Variants in RIPOR2 observed in about 807,000 individuals in gnomAD.
The protein encoded by RIPOR2 is RHO family interacting cell polarization regulator 2.
RIPOR2 carries 39 observed loss-of-function variants against 114.5 expected under a neutral mutation model. That is an observed-to-expected ratio of 0.34 (90% confidence interval 0.26 to 0.44). RIPOR2 has a LOEUF of 0.44. Ranked by LOEUF, RIPOR2 falls within the 20% of genes least tolerant of loss-of-function variation. The probability of loss-of-function intolerance (pLI) is 1.00; values close to 1 mark genes in which losing one functional copy is unlikely to be tolerated. For synonymous variants in RIPOR2, 445 were observed against 484.4 expected (o/e 0.92, Z 1.07); for missense variants, 1,007 against 1,255.1 (o/e 0.80, Z 2.99).
At chr6:24,900,204 G>A (rs1184920357) in intron 1 of RIPOR2, among the ~76,000 whole-genome samples, 3 of 152,216 alleles carry the variant, frequency 2.0e-5, no homozygotes, top group African/African-American at 7.2e-5. Flanking sequence ...TCTGAATTTG[G>A]AGTCTGTGTA....
chr6:24,930,755 T>C (rs1168511939), intron 1 of RIPOR2, among the ~76,000 whole-genome samples: 1 of 152,106 alleles, frequency 6.6e-6, no homozygotes, highest in Non-Finnish European at 1.5e-5. Flanking sequence ...GGGGTGGAAA[T>C]TGATCCAAGC....
intron 1 of RIPOR2, among the ~76,000 whole-genome samples, chr6:24,882,210 C>T (rs1766413893): frequency 6.6e-6 from 1 of 152,204 alleles, no homozygotes; most frequent in Non-Finnish European, 1.5e-5. Flanking sequence ...TATGAACTGG[C>T]ATTCTGGCTC....
chr6:24,830,830 C>G (rs1485361707), intron 16 of RIPOR2, among the ~76,000 whole-genome samples, 160 bp from the exon 17 acceptor site: 1 of 152,068 alleles, frequency 6.6e-6, no homozygotes, highest in African/African-American at 2.4e-5. Context: ...ATTCTCTTGC[C>G]TGAGCTTCCC....
At chr6:24,819,304 G>A (rs769152458) in intron 19 of RIPOR2, among the ~76,000 whole-genome samples, 14 of 152,054 alleles carry the variant, frequency 9.2e-5, no homozygotes, top group Non-Finnish European at 1.6e-4. Context: ...GCCAGGGTAA[G>A]TTTCACAAAA....
At chr6:25,019,579 C>T (rs1427169334) in intron 1 of RIPOR2, among the ~76,000 whole-genome samples, 2 of 145,956 alleles carry the variant, frequency 1.4e-5, no homozygotes, top group East Asian at 2.6e-4. Context: ...ACCATCCTGG[C>T]TAACACGGTA....
At chr6:25,026,573 C>G (rs1776637332) in intron 1 of RIPOR2, among the ~76,000 whole-genome samples, 1 of 152,194 alleles carries the variant, frequency 6.6e-6, no homozygotes, top group Non-Finnish European at 1.5e-5. Flanking sequence ...CTTTGTTACC[C>G]TGAGCAGCTG....
intron 1 of RIPOR2, among the ~76,000 whole-genome samples, chr6:25,030,716 G>C (rs1776882643): frequency 6.6e-6 from 1 of 152,052 alleles, no homozygotes; most frequent in African/African-American, 2.4e-5. Flanking sequence ...TGTTTTCTTT[G>C]AGACGGAGTT....
intron 16 of RIPOR2, among the ~76,000 whole-genome samples, chr6:24,831,361 A>C (rs1752616965): frequency 6.6e-6 from 1 of 152,178 alleles, no homozygotes; most frequent in Non-Finnish European, 1.5e-5. Context: ...AGTTTCCTGA[A>C]GGGGATGGGA....
chr6:24,983,756 C>CAAAA (rs34480037), intron 1 of RIPOR2, among the ~76,000 whole-genome samples: 16,259 of 47,432 alleles, frequency 0.34, 3,974 homozygotes, highest in Non-Finnish European at 0.41. Context: ...GACTGTGTCT[C>CAAAA]AAAAAAAAAA....
At position 24,872,284 on chromosome 6, in the gene RIPOR2, T is replaced by C. The variant is rs372252717; in HGVS notation, c.423+597A>G. 3.3e-5 allele frequency among the ~76,000 whole-genome samples: 5 copies of C among 152,248 alleles called. No individual in the cohort carries two copies. The South Asian group carries it at 8.3e-4, about 25-fold the overall frequency. ...ACTCTTAACTTCTCATGGTGGTTAC[T>C]CCTTTGAGCCTCTTTTCCCTCCCTG... On this transcript the variant is annotated intron_variant, in intron 4 of 21. Transcript: ENST00000643898.
intron 8 of RIPOR2, 113 bp from the exon 9 acceptor site, chr6:24,852,731 A>C: frequency 2.2e-5 from 17 of 760,192 alleles, no homozygotes; most frequent in Non-Finnish European, 3.5e-5. Context: ...GTGCAAACTC[A>C]CATAACACTT....
intron 1 of RIPOR2, among the ~76,000 whole-genome samples, chr6:24,964,274 C>T (rs912948884): frequency 6.6e-6 from 1 of 152,078 alleles, no homozygotes; most frequent in Non-Finnish European, 1.5e-5. Flanking sequence ...CTCCCTCATG[C>T]TACCCCTGTA....
At chr6:25,007,839 G>A (rs1775618061) in intron 1 of RIPOR2, among the ~76,000 whole-genome samples, 1 of 151,874 alleles carries the variant, frequency 6.6e-6, no homozygotes, top group Admixed American at 6.6e-5. Flanking sequence ...ATATCCGGGA[G>A]GGACCTCAAA....
At chr6:24,826,961 A>G (rs918080366) in intron 18 of RIPOR2, among the ~76,000 whole-genome samples, 7 of 152,070 alleles carry the variant, frequency 4.6e-5, no homozygotes, top group African/African-American at 1.7e-4. Flanking sequence ...AGACACTTAA[A>G]ATGTTAAAGG....
chr6:25,019,183 C>T (rs2113705471), intron 1 of RIPOR2, among the ~76,000 whole-genome samples: 1 of 152,250 alleles, frequency 6.6e-6, no homozygotes, highest in Non-Finnish European at 1.5e-5. Context: ...CTATTGCAAG[C>T]ATTATTCTTG....
intron 1 of RIPOR2, among the ~76,000 whole-genome samples, chr6:24,903,189 C>A (rs1768642424): frequency 6.6e-6 from 1 of 152,156 alleles, no homozygotes; most frequent in Non-Finnish European, 1.5e-5. Context: ...GGGCTTCCTC[C>A]TAGCATGGTA....
In RIPOR2 at chr6:25,005,738, T is replaced by TATATATATATATATAC. The variant is rs34572978; in HGVS notation, c.76+36112_76+36113insGTATATATATATATAT. On this transcript the variant is annotated intron_variant, in intron 1 of 13. Transcript: ENST00000510784. Reference sequence around the variant, plus strand: ...ATATATATATATATATATATATATATATACATTTACCGATCAAAAGATATG... The same window carrying TATATATATATATATAC: ...ATATATATATATATATATATATATATATATATATATATATACATACATTTACCGATCAAAAGATATG... Among the ~76,000 whole-genome samples the TATATATATATATATAC allele has an allele frequency of 3.5e-3, 245 of 70,680 alleles. 57 individuals carry two copies. Among genetic ancestry groups the TATATATATATATATAC allele is most frequent in the Non-Finnish European group, 6.6e-3 (199 of 30,012 alleles). The allele number at this position is 70,680 out of a possible 152,430, so 46.4% of individuals were successfully genotyped here.
At chr6:24,990,011 A>G (rs1038985494) in intron 1 of RIPOR2, among the ~76,000 whole-genome samples, 4 of 152,120 alleles carry the variant, frequency 2.6e-5, no homozygotes, top group Non-Finnish European at 5.9e-5. Context: ...ACCCTGGGCT[A>G]TAGCATGAGT....
At chr6:25,040,716 C>T (rs1777430494) in intron 1 of RIPOR2, among the ~76,000 whole-genome samples, 1 of 150,978 alleles carries the variant, frequency 6.6e-6, no homozygotes, top group African/African-American at 2.4e-5. Flanking sequence ...CCTCAGCCTC[C>T]TGAGTAGCTG....
Sources: allele counts gnomAD v4.1 joint callset (sites outside exome capture counted in the v4.1 genomes callset), GRCh38; gene constraint gnomAD v4.1.1; transcripts MANE v1.5; gene names NCBI Gene and HGNC (gene_info 2026-07-23, HGNC 2026-07-21).